Variants in SVIL observed in about 807,000 individuals in gnomAD.
SVIL encodes the protein archvillin.
SVIL carries 101 observed loss-of-function variants against 240.4 expected under a neutral mutation model. The observed-to-expected ratio is 0.42, with a 90% CI of 0.36 to 0.50. The LOEUF is 0.50. Ranked by LOEUF, SVIL falls within the 20% of genes least tolerant of loss-of-function variation. The pLI is 0.01. For synonymous variants in SVIL, 999 were observed against 1,100.0 expected (o/e 0.91, Z 1.82); for missense variants, 2,512 against 2,818.7 (o/e 0.89, Z 2.46).
At chr10:29,598,047 C>T (rs1956666763) in intron 1 of SVIL, among the ~76,000 whole-genome samples, 1 of 152,092 alleles carries the variant, frequency 6.6e-6, no homozygotes, top group African/African-American at 2.4e-5. Flanking sequence ...TGTATCTAAA[C>T]CCAGTGGAAT....
chr10:29,496,128 C>T (rs939083533), intron 18 of SVIL, among the ~76,000 whole-genome samples: 1 of 151,858 alleles, frequency 6.6e-6, no homozygotes, highest in African/African-American at 2.4e-5. Context: ...ATGATTCTGC[C>T]CCTTCCTCCT....
At chr10:29,722,921 AC>A (rs1461848159) in intron 1 of SVIL, among the ~76,000 whole-genome samples, 1 of 152,254 alleles carries the variant, frequency 6.6e-6, no homozygotes, top group Admixed American at 6.5e-5. Flanking sequence ...ACTCCTAGAT[AC>A]ATGACTCTGG....
At chr10:29,723,265 C>T (rs1369325324) in intron 1 of SVIL, among the ~76,000 whole-genome samples, 1 of 152,136 alleles carries the variant, frequency 6.6e-6, no homozygotes, top group Admixed American at 6.6e-5. Context: ...AAATGTATCT[C>T]AGTTACTGGG....
chr10:29,625,373 A>C (rs1957821604), intron 1 of SVIL, among the ~76,000 whole-genome samples: 1 of 152,212 alleles, frequency 6.6e-6, no homozygotes, highest in Admixed American at 6.5e-5. Flanking sequence ...TTATAGACCG[A>C]ATGTTATGAT....
chr10:29,656,214 G>T (rs1287905891), intron 3 of SVIL, among the ~76,000 whole-genome samples: 1 of 150,934 alleles, frequency 6.6e-6, no homozygotes, highest in Admixed American at 6.6e-5. Flanking sequence ...AGAGGCATTC[G>T]ATTTTGTCAA....
rs117028914 is a variant in SVIL, at chr10:29,661,229, A to G, written c.-300-3161T>C. Among the ~76,000 whole-genome samples the G allele has an allele frequency of 8.8e-3, 1,345 of 152,292 alleles. 11 individuals are homozygous for G. Among genetic ancestry groups the G allele is most frequent in the Middle Eastern group, 0.014 (4 of 294 alleles). ...GAGTCCTAGAAATCTGGTTTGCTTA[A>G]AGACAAAGGGAAAACCTCAGTCACT... On this transcript the variant is annotated intron_variant, in intron 2 of 35. Transcript: ENST00000375400.
chr10:29,735,155 C>T lies in SVIL; in HGVS notation c.-400+596G>A, dbSNP rs1487742702. ...TAAACCACTCCCTTCGGGGAGCCCG[C>T]ACGCGCGCAGAAACGTGGGCAGCTG... On this transcript the variant is annotated intron_variant, in intron 1 of 35. Coordinates refer to the SVIL transcript ENST00000375400. The surrounding 1 kb of genome is among the most constrained non-coding windows in gnomAD (Gnocchi z 4.1). 2.0e-5 allele frequency among the ~76,000 whole-genome samples: 3 copies of T among 152,128 alleles called. No homozygotes were observed. The highest frequency in any genetic ancestry group is 4.4e-5 in the Non-Finnish European group (3 of 68,022).
chr10:29,528,925 C>T (rs1951134345), intron 12 of SVIL, among the ~76,000 whole-genome samples: 1 of 151,546 alleles, frequency 6.6e-6, no homozygotes, highest in Admixed American at 6.6e-5. Context: ...GGCAATTAAT[C>T]CCAGCACTTT....
chr10:29,487,019 C>T, intron 24 of SVIL, 144 bp downstream of exon 24: 1 of 1,027,882 alleles, frequency 9.7e-7, no homozygotes, highest in South Asian at 1.7e-5. Flanking sequence ...GAGAGACATT[C>T]AGGAAAAGAA....
At chr10:29,561,876 G>A (rs1954509972) in intron 3 of SVIL, among the ~76,000 whole-genome samples, 1 of 152,048 alleles carries the variant, frequency 6.6e-6, no homozygotes, top group Admixed American at 6.5e-5. Flanking sequence ...CCTGTATTCC[G>A]GCTGACAGCG....
chr10:29,732,014 C>A (rs979477335), intron 1 of SVIL, among the ~76,000 whole-genome samples: 1 of 152,230 alleles, frequency 6.6e-6, no homozygotes, highest in Non-Finnish European at 1.5e-5. Flanking sequence ...TGCCCTGCAG[C>A]GGCTTCTTTC....
Position 29,532,956 on chromosome 10 carries a change from G to T in SVIL, c.1411C>A (p.Pro471Thr), listed in dbSNP as rs772234649. Reference protein sequence around the residue: ...GDGLVRSPEDPSRNEDFGKPA... With the variant: ...GDGLVRSPEDTSRNEDFGKPA... ...TTACCAAAGTCCTCATTTCTAGAGG[G>T]ATCTTCTGGGCTTCTCACTAGCCCA... The change falls in exon 8 of 38, where the codon CCC (proline) becomes ACC (threonine). Residue 471 changes from proline to threonine, a missense_variant. Transcript: ENST00000355867. 1 of 1,614,132 alleles carries T rather than the reference G, an allele frequency of 6.2e-7. No homozygotes were observed. The highest frequency in any genetic ancestry group is 8.5e-7 in the Non-Finnish European group (1 of 1,180,034).
intron 2 of SVIL, among the ~76,000 whole-genome samples, chr10:29,659,243 C>T (rs1959088962): frequency 6.6e-6 from 1 of 152,206 alleles, no homozygotes; most frequent in Non-Finnish European, 1.5e-5. Context: ...TCCAGCCCTG[C>T]AATCCCAGAC....
chr10:29,686,159 T>C (rs1961052784), intron 2 of SVIL, among the ~76,000 whole-genome samples: 1 of 152,216 alleles, frequency 6.6e-6, no homozygotes, highest in Non-Finnish European at 1.5e-5. Flanking sequence ...ACTTTCAGAA[T>C]GGACAAGCAA....
At chr10:29,523,198 T>C (rs1950674145) in intron 15 of SVIL, among the ~76,000 whole-genome samples, 1 of 152,154 alleles carries the variant, frequency 6.6e-6, no homozygotes, top group Admixed American at 6.5e-5. Context: ...CAGAAGGCCA[T>C]TGTGTGAGTG....
rs1413953280 is a variant in SVIL, at chr10:29,532,050, C to T, written c.1961G>A (p.Arg654Lys). 7 of 1,614,078 alleles carry T rather than the reference C, an allele frequency of 4.3e-6. No individual in the cohort carries two copies. In the East Asian group the frequency reaches 1.6e-4, roughly 36 times the overall value. ...SPGESRKTSE[R>K]FRTQPITSAE... is the part of the protein sequence containing the mutation. Reference sequence around the variant, plus strand: ...TGAAGTTATAGGTTGGGTTCTAAATCTCTCGGAAGTTTTTCTACTTTCACC... The same window carrying T: ...TGAAGTTATAGGTTGGGTTCTAAATTTCTCGGAAGTTTTTCTACTTTCACC... The change falls in exon 9 of 38, where the codon AGA (arginine) becomes AAA (lysine). Residue 654 changes from arginine (R) to lysine (K), a missense_variant. Physicochemically the swap from Arg to Lys is conservative, Grantham distance 26. This residue lies in a region of SVIL where 1,443 missense variants were observed against 1,486.6 expected (regional missense o/e 0.97). Coordinates refer to ENST00000355867, the MANE Select transcript of SVIL (RefSeq NM_021738.3).
intron 5 of SVIL, among the ~76,000 whole-genome samples, chr10:29,553,376 C>T (rs372072771): frequency 2.0e-5 from 3 of 151,936 alleles, no homozygotes; most frequent in Admixed American, 6.6e-5. Context: ...GTCAGGAGTT[C>T]GAGACCAGCC....
At chr10:29,636,051 A>G (rs1362878437), upstream of SVIL, among the ~76,000 whole-genome samples, 1 of 152,104 alleles carries the variant, frequency 6.6e-6, no homozygotes, top group Non-Finnish European at 1.5e-5. Flanking sequence ...ATAATAATTA[A>G]ACATTGGCTT....
intron 3 of SVIL, among the ~76,000 whole-genome samples, chr10:29,651,561 T>G (rs1037478518): frequency 3.3e-5 from 5 of 151,728 alleles, no homozygotes; most frequent in African/African-American, 1.2e-4. Flanking sequence ...GGCCATTCCT[T>G]CTCAGTTTGC....
Sources: gnomAD v4.1 joint callset for allele counts (sites outside exome capture counted in the v4.1 genomes callset) on GRCh38, gnomAD v4.1.1 for gene constraint, gnomAD v4.1.1 regional missense constraint, Gnocchi (gnomAD v3.1) non-coding constraint, MANE v1.5 for transcripts, NCBI Gene and HGNC (gene_info 2026-07-23, HGNC 2026-07-21) for gene names.